The following ZNF205 variants were observed in gnomAD, a reference collection of about 807,000 sequenced individuals.
The protein encoded by ZNF205 is zinc finger protein 205.
ZNF205 carries 32 observed loss-of-function variants against 53.6 expected under a neutral mutation model. The observed-to-expected ratio is 0.60, with a 90% CI of 0.45 to 0.80. The LOEUF (loss-of-function observed/expected upper bound fraction) is 0.80. ZNF205 is among the 30% of genes least tolerant of loss of function. ZNF205 has a pLI of 0.00. For missense variants in ZNF205, 836 were observed against 782.4 expected, an observed-to-expected ratio of 1.07 and a Z score of -0.82; for synonymous variants, 382 against 334.3, an observed-to-expected ratio of 1.14 and a Z score of -1.56.
chr16:3,118,770 C>G lies in ZNF205; in HGVS notation c.485-135C>G. ...GCGGACCCCCGACCCAGGGGGCCTTCTTGAAACTGCTTTATTTTACCCCCT... is the reference window on the plus strand; with the variant it reads ...GCGGACCCCCGACCCAGGGGGCCTTGTTGAAACTGCTTTATTTTACCCCCT... On this transcript the variant is annotated intron_variant, in intron 5 of 6. Transcript: ENST00000219091. 3 of 958,380 alleles carry G rather than the reference C, an allele frequency of 3.1e-6. 1 individual carries two copies. In the South Asian group the frequency reaches 5.3e-5, roughly 17 times the overall value. The allele number at this position is 958,380 out of a possible 1,614,324, so 59.4% of individuals were successfully genotyped here. A position where few individuals can be genotyped will look rare whatever the true frequency, so the allele number is the denominator to read the frequency against.
At position 3,119,625 on chromosome 16, in the gene ZNF205, ACC is replaced by A; in HGVS notation, c.966_967del (p.Leu323GlyfsTer17). ...GGCAAGGGCTTCAGCTGGCACTCGCACCTGGTGACGCACCGGCGCACGCACAC... is the reference window on the plus strand; with the variant it reads ...GGCAAGGGCTTCAGCTGGCACTCGCATGGTGACGCACCGGCGCACGCACAC... On this transcript the variant is annotated frameshift_variant, in exon 7 of 7. Transcript: ENST00000219091. LOFTEE classifies it high-confidence loss of function. 1 of 1,611,608 alleles carries A rather than the reference ACC, an allele frequency of 6.2e-7. No homozygotes were observed. Among genetic ancestry groups the A allele is most frequent in the Non-Finnish European group, 8.5e-7 (1 of 1,179,256 alleles).
rs754822228 is a variant in ZNF205, at chr16:3,120,279, C to T, written c.1619C>T (p.Ala540Val). The change falls in exon 7 of 7, where the codon GCG (alanine) becomes GTG (valine). Residue 540 changes from alanine to valine, a missense_variant. By Grantham distance (64) the Ala-to-Val change is moderately conservative. Transcript: ENST00000219091. Reference protein sequence around the residue: ...PKALAMLMLGAAAAGALATPP... With the variant: ...PKALAMLMLGVAAAGALATPP... Reference sequence around the variant, plus strand: ...GCCCTGGCCATGCTGATGCTGGGGGCGGCGGCGGCGGGGGCTCTGGCCACA... The same window carrying T: ...GCCCTGGCCATGCTGATGCTGGGGGTGGCGGCGGCGGGGGCTCTGGCCACA... 1.4e-5 allele frequency: 23 copies of T among 1,590,800 alleles called. 1 individual carries two copies. The highest frequency in any genetic ancestry group is 2.7e-5 in the African/African-American group (2 of 74,636).
At chr16:3,114,688 A>G (rs1957315498) in intron 2 of ZNF205, 1 of 152,240 alleles carries the variant, frequency 6.6e-6, no homozygotes, top group Admixed American at 6.5e-5. Context: ...GCTGAAAACA[A>G]CCAGAATTGG....
chr16:3,120,129 A>C lies in ZNF205; in HGVS notation c.1469A>C (p.His490Pro), dbSNP rs1596300911. ...GGCAAGAGCTTCAGCCACAGCTCGC[A>C]CCTCACCGCGCACCAGCGCACCCAC... is the stretch of plus-strand genomic sequence containing the variant. ...DCGKSFSHSSHLTAHQRTHRG... is the reference protein window; with the variant it reads ...DCGKSFSHSSPLTAHQRTHRG... Residue 490 changes from histidine to proline, a missense_variant, in exon 7 of 7, where the codon CAC (histidine) becomes CCC (proline). Physicochemically the swap from His to Pro is moderately conservative, Grantham distance 77. Coordinates refer to ENST00000219091, the MANE Select transcript of ZNF205 (RefSeq NM_001042428.2). 1.2e-6 allele frequency: 2 copies of C among 1,612,782 alleles called. No homozygotes were observed. The highest frequency in any genetic ancestry group is 8.5e-7 in the Non-Finnish European group (1 of 1,179,508).
In ZNF205 at chr16:3,120,444, T is replaced by G. The variant is rs981443535; in HGVS notation, c.*119T>G. On this transcript the variant is annotated 3_prime_UTR_variant, in exon 7 of 7. Coordinates refer to ENST00000219091, the MANE Select transcript of ZNF205 (RefSeq NM_001042428.2). The stretch of plus-strand genomic sequence containing the variant: ...GAGCTGGGGCGGTGAGGGCATGGGG[T>G]GAGGCATGGCGATGGGGGAGGGCGA... 4.9e-6 allele frequency: 6 copies of G among 1,221,012 alleles called. No homozygotes were observed. The Admixed American group carries it at 8.7e-5, about 18-fold the overall frequency. 75.6% of individuals were successfully genotyped at this position (1,221,012 alleles called of 1,614,324 possible). A position where few individuals can be genotyped will look rare whatever the true frequency, so the allele number is the denominator to read the frequency against.
chr16:3,117,565 A>T (rs1193271241), intron 5 of ZNF205, among the ~76,000 whole-genome samples: 1 of 143,142 alleles, frequency 7.0e-6, no homozygotes, highest in Non-Finnish European at 1.5e-5. Context: ...CTCCTGCCAC[A>T]GCCTCCTGAG....
In ZNF205 at chr16:3,119,959, G is replaced by A; in HGVS notation, c.1299G>A (p.Ser433=). The A allele has an allele frequency of 1.2e-6, 2 of 1,613,498 alleles. No individual in the cohort carries two copies. The highest frequency in any genetic ancestry group is 1.7e-6 in the Non-Finnish European group (2 of 1,179,914). The change falls in exon 7 of 7, where the codon TCG becomes TCA. Residue 433 remains serine (S), a synonymous_variant. Coordinates refer to ENST00000219091, the MANE Select transcript of ZNF205 (RefSeq NM_001042428.2). ...GCGCCAAGTGCTTCACGCAGAGCTC[G>A]GCGCTAGTCACCCACCAGCGCACCC... ...PICAKCFTQS[S]ALVTHQRTHT...
Position 3,120,222 on chromosome 16 carries a change from G to A in ZNF205, c.1562G>A (p.Arg521Gln), listed in dbSNP as rs1423789518. The change falls in exon 7 of 7, where the codon CGG becomes CAG. Residue 521 changes from arginine (R) to glutamine (Q), a missense_variant. Physicochemically the swap from Arg to Gln is conservative, Grantham distance 43. Transcript: ENST00000219091. Reference protein sequence around the residue: ...KSFSRRSNLHRHEKIHTTGPK... With the variant: ...KSFSRRSNLHQHEKIHTTGPK... ...TTCAGCCGGCGCTCCAACCTGCACCGGCACGAGAAGATCCACACCACCGGG... is the reference window on the plus strand; with the variant it reads ...TTCAGCCGGCGCTCCAACCTGCACCAGCACGAGAAGATCCACACCACCGGG... The A allele has an allele frequency of 1.9e-6, 3 of 1,609,706 alleles. No individual in the cohort carries two copies. The highest frequency in any genetic ancestry group is 2.5e-6 in the Non-Finnish European group (3 of 1,179,668).
chr16:3,116,951 C>T (rs1408453760), intron 5 of ZNF205, among the ~76,000 whole-genome samples: 5 of 152,198 alleles, frequency 3.3e-5, no homozygotes, highest in South Asian at 4.1e-4. Context: ...CCCACCACCA[C>T]GCCCGGCTAA....
chr16:3,116,538 C>T lies in ZNF205; in HGVS notation c.475C>T (p.Leu159=). Residue 159 remains leucine (L), a synonymous_variant, in exon 5 of 7, where the codon CTG becomes TTG. Coordinates refer to ENST00000219091, the MANE Select transcript of ZNF205 (RefSeq NM_001042428.2). ...YRDVLQKKNG[L]SLGFPFSRPF... ...GGATGTCCTGCAGAAGAAAAATGGG[C>T]TGTCACTGGGTAAGCACTCGCCTGG... is the stretch of plus-strand genomic sequence containing the variant. The T allele has an allele frequency of 6.2e-7, 1 of 1,613,810 alleles. No homozygotes were observed. Among genetic ancestry groups the T allele is most frequent in the Non-Finnish European group, 8.5e-7 (1 of 1,179,878 alleles).
Position 3,119,711 on chromosome 16 carries a change from C to G in ZNF205, c.1051C>G (p.Leu351Val). 1 of 1,613,654 alleles carries G rather than the reference C, an allele frequency of 6.2e-7. No individual in the cohort carries two copies. Among genetic ancestry groups the G allele is most frequent in the Admixed American group, 1.7e-5 (1 of 60,010 alleles). Residue 351 changes from leucine (L) to valine (V), a missense_variant, in exon 7 of 7, where the codon CTC becomes GTC. Transcript: ENST00000219091. ...GAAGCGCTTCGGCCGCAGCTCGCAC[C>G]TCATCCAGCACCAGATCATCCACAC... ...CGKRFGRSSH[L>V]IQHQIIHTGE...
rs1002938481 is a variant in ZNF205 at position 3,112,681 on chromosome 16, C to T, written c.-16C>T. 1.0e-5 allele frequency: 3 copies of T among 300,434 alleles called. No individual in the cohort carries two copies. The highest frequency in any genetic ancestry group is 2.0e-5 in the Non-Finnish European group (3 of 149,346). The allele number at this position is 300,434 out of a possible 1,614,324, so 18.6% of individuals were successfully genotyped here. A position where few individuals can be genotyped will look rare whatever the true frequency, so the allele number is the denominator to read the frequency against. On this transcript the variant is annotated splice_region_variant and 5_prime_UTR_variant, in exon 1 of 7. Transcript: ENST00000219091. ...GCAGGTGCCCCCTCTGCCTCCACCCCGGTGAGAAGGGGGTGCTGGGGAGGG... is the reference window on the plus strand; with the variant it reads ...GCAGGTGCCCCCTCTGCCTCCACCCTGGTGAGAAGGGGGTGCTGGGGAGGG...
rs962340710 is a variant in ZNF205 at position 3,115,553 on chromosome 16, T to C, written c.256T>C (p.Phe86Leu). The C allele has an allele frequency of 2.5e-6, 4 of 1,592,502 alleles. No individual in the cohort carries two copies. The African/African-American group carries it at 5.4e-5, about 22-fold the overall frequency. ...TCACGGCTCTAAGGAGAAAGCTCTC[T>C]TCCTGCCTGGCGGAGGTAGGAGAGG... is the stretch of plus-strand genomic sequence containing the variant. ...LSHGSKEKAL[F>L]LPGGALPSPR... is the part of the protein sequence containing the mutation. Residue 86 changes from phenylalanine to leucine, a missense_variant, in exon 3 of 7, where the codon TTC becomes CTC. Transcript: ENST00000219091.
chr16:3,120,052 C>T lies in ZNF205; in HGVS notation c.1392C>T (p.Ile464=), dbSNP rs771564916. The change falls in exon 7 of 7, where the codon ATC becomes ATT. Residue 464 remains isoleucine (I), a synonymous_variant. Coordinates refer to ENST00000219091, the MANE Select transcript of ZNF205 (RefSeq NM_001042428.2). ...GCTTCAGCCAGCGTTCCAACCTCAT[C>T]GCGCACAACCGCACACACACAGGCG... ...GKCFSQRSNL[I]AHNRTHTGEK... is the part of the protein sequence containing the mutation. 8 of 1,613,526 alleles carry T rather than the reference C, an allele frequency of 5.0e-6. No homozygotes were observed. The South Asian group carries it at 6.6e-5, about 13-fold the overall frequency.
chr16:3,113,765 C>CA (rs1462577086), intron 2 of ZNF205, among the ~76,000 whole-genome samples: 1 of 152,186 alleles, frequency 6.6e-6, no homozygotes, highest in East Asian at 1.9e-4. Context: ...GCTCAGAGCA[C>CA]ACAGGGAAAC....
In ZNF205 at chr16:3,119,242, C is replaced by T. The variant is rs555336852; in HGVS notation, c.596-14C>T. 3 of 1,563,500 alleles carry T rather than the reference C, an allele frequency of 1.9e-6. No individual in the cohort carries two copies. The highest frequency in any genetic ancestry group is 2.6e-6 in the Non-Finnish European group (3 of 1,153,106). ...GAAGCTCGTCCCTAGCTGGAAACGA[C>T]TTTCTTTTTCCAGGAGCCGTCGAGG... On this transcript the variant is annotated splice_polypyrimidine_tract_variant and intron_variant, in intron 6 of 6. Coordinates refer to ENST00000219091, the MANE Select transcript of ZNF205 (RefSeq NM_001042428.2).
In ZNF205 at chr16:3,120,184, G is replaced by C; in HGVS notation, c.1524G>C (p.Leu508Phe). Reference protein sequence around the residue: ...HRGVRPYACPLCGKSFSRRSN... With the variant: ...HRGVRPYACPFCGKSFSRRSN... ...GCGTGCGGCCCTACGCCTGCCCGTT[G>C]TGCGGCAAGAGCTTCAGCCGGCGCT... Residue 508 changes from leucine to phenylalanine, a missense_variant, in exon 7 of 7, where the codon TTG (leucine) becomes TTC (phenylalanine). Coordinates refer to ENST00000219091, the MANE Select transcript of ZNF205 (RefSeq NM_001042428.2). 6.2e-7 allele frequency: 1 copy of C among 1,606,560 alleles called. No individual in the cohort carries two copies. The highest frequency in any genetic ancestry group is 8.5e-7 in the Non-Finnish European group (1 of 1,175,474).
At chr16:3,112,964 G>T in intron 1 of ZNF205, 1 of 210,366 alleles carries the variant, frequency 4.8e-6, no homozygotes, top group Non-Finnish European at 9.6e-6. Context: ...GGGACACACG[G>T]TGTATGTCCT....
In ZNF205 at chr16:3,115,815, C is replaced by T. The variant is rs373044434; in HGVS notation, c.272-14C>T. The T allele has an allele frequency of 3.1e-6, 5 of 1,607,636 alleles. No individual in the cohort carries two copies. In the African/African-American group the frequency reaches 5.4e-5, roughly 17 times the overall value. On this transcript the variant is annotated splice_polypyrimidine_tract_variant and intron_variant, in intron 3 of 6. Transcript: ENST00000219091. ...GATGAGCTGATCACCGTGAGGACCT[C>T]TCTCCTCCCACAGCCCTCCCCTCCC...
Sources: allele counts gnomAD v4.1 joint callset (sites outside exome capture counted in the v4.1 genomes callset), GRCh38; gene constraint gnomAD v4.1.1; transcripts MANE v1.5; gene names NCBI Gene and HGNC (gene_info 2026-07-23, HGNC 2026-07-21).